RNFT1: variants seen among roughly 807,000 people sequenced by gnomAD.
The protein encoded by RNFT1 is E3 ubiquitin-protein ligase RNFT1.
In RNFT1, 35 loss-of-function variants were observed where a neutral mutation model predicts 53.2. The ratio of observed to expected loss-of-function variants is 0.66; its 90% confidence interval spans 0.50 to 0.87. The LOEUF (loss-of-function observed/expected upper bound fraction) is 0.87. RNFT1 is among the 40% of genes least tolerant of loss of function. The pLI is 0.00. For missense variants in RNFT1, 421 were observed against 515.0 expected (o/e 0.82, Z 1.77); for synonymous variants, 141 against 172.8 (o/e 0.82, Z 1.44).
At chr17:59,960,468 T>C (rs1293188864) in intron 3 of RNFT1, among the ~76,000 whole-genome samples, 3 of 124,204 alleles carry the variant, frequency 2.4e-5, no homozygotes, top group African/African-American at 9.4e-5. Flanking sequence ...AAAATTAAAT[T>C]AAATTAAAAA....
intron 3 of RNFT1, among the ~76,000 whole-genome samples, chr17:59,960,690 G>C (rs1237229711): frequency 1.3e-5 from 2 of 151,760 alleles, no homozygotes; most frequent in East Asian, 3.9e-4. Context: ...GCACGTGCCT[G>C]TAATCCCAGC....
chr17:59,961,450 C>T (rs1210563183), intron 3 of RNFT1, among the ~76,000 whole-genome samples: 2 of 152,188 alleles, frequency 1.3e-5, no homozygotes, highest in Non-Finnish European at 2.9e-5. Flanking sequence ...ATGCATGATA[C>T]TTTACACAGA....
intron 7 of RNFT1, among the ~76,000 whole-genome samples, chr17:59,956,167 G>C (rs758087851): frequency 5.9e-5 from 9 of 152,082 alleles, no homozygotes; most frequent in Non-Finnish European, 1.0e-4. Context: ...TTAAAAAAGA[G>C]GAACACAATT....
chr17:59,958,312 G>A lies in RNFT1; in HGVS notation c.825C>T (p.Phe275=). 8 of 1,594,030 alleles carry A rather than the reference G, an allele frequency of 5.0e-6. No homozygotes were observed. The highest frequency in any genetic ancestry group is 6.8e-6 in the Non-Finnish European group (8 of 1,175,656). The part of the protein sequence containing the change: ...LKCLILLVPS[F]IMPFKSKGYW... ...TTACCTTAGATTTAAAAGGCATGAT[G>A]AAAGAAGGCACCAATAAAATAAGGC... The change falls in exon 5 of 9, where the codon TTC becomes TTT. Residue 275 remains phenylalanine (F), a synonymous_variant. Coordinates refer to ENST00000305783, the MANE Select transcript of RNFT1 (RefSeq NM_016125.4).
At chr17:59,956,121 G>C (rs2045252676) in intron 7 of RNFT1, among the ~76,000 whole-genome samples, 1 of 152,116 alleles carries the variant, frequency 6.6e-6, no homozygotes, top group Admixed American at 6.5e-5. Flanking sequence ...GGTGAATAAG[G>C]AGTTAATAGG....
intron 5 of RNFT1, among the ~76,000 whole-genome samples, chr17:59,957,846 A>C (rs557214298): frequency 6.6e-6 from 1 of 152,282 alleles, no homozygotes; most frequent in Non-Finnish European, 1.5e-5. Flanking sequence ...GACAATCTCA[A>C]AACAAAACAA....
intron 5 of RNFT1, 70 bp from the exon 6 acceptor site, chr17:59,957,452 C>T: frequency 9.9e-7 from 1 of 1,010,264 alleles, no homozygotes; most frequent in Non-Finnish European, 1.5e-6. Context: ...CAATATTAGA[C>T]TGAGAACACT....
rs2045223246 is a variant in RNFT1 at position 59,952,243 on chromosome 17, A to C, written c.*734T>G. 6.6e-6 allele frequency: 1 copy of C among 152,122 alleles called. No individual in the cohort carries two copies. The highest frequency in any genetic ancestry group is 1.5e-5 in the Non-Finnish European group (1 of 68,026). The allele number at this position is 152,122 out of a possible 1,614,324, so 9.4% of individuals were successfully genotyped here. A position where few individuals can be genotyped will look rare whatever the true frequency, so the allele number is the denominator to read the frequency against. On this transcript the variant is annotated 3_prime_UTR_variant, in exon 9 of 9. Coordinates refer to ENST00000305783, the MANE Select transcript of RNFT1 (RefSeq NM_016125.4). Reference sequence around the variant, plus strand: ...AAATCATCAAGTAAGCCAGCTGTTTATAATCCACATGAATTATTTTAATAG... The same window carrying C: ...AAATCATCAAGTAAGCCAGCTGTTTCTAATCCACATGAATTATTTTAATAG...
Position 59,964,726 on chromosome 17 carries a change from C to G in RNFT1, c.-63G>C. 1.3e-6 allele frequency: 2 copies of G among 1,495,194 alleles called. No homozygotes were observed. The highest frequency in any genetic ancestry group is 9.0e-7 in the Non-Finnish European group (1 of 1,116,990). 92.6% of individuals were successfully genotyped at this position (1,495,194 alleles called of 1,614,324 possible). On this transcript the variant is annotated 5_prime_UTR_variant, in exon 1 of 9. Transcript: ENST00000305783. The stretch of plus-strand genomic sequence containing the variant: ...CAAACCCCGCAAGCTCTTCTCTCAG[C>G]CCGGCGGCAACGGCGGCGGCGCGCG...
rs1353972737 is a variant in RNFT1, at chr17:59,957,294, T to C, written c.935A>G (p.Tyr312Cys). ...TCTAGTTACGTTACCAAACTCCCCA[T>C]AGCTTATAAGGTAGCGAAACCAAAC... Reference protein sequence around the residue: ...IPVWFRYLISYGEFGNVTRWS... With the variant: ...IPVWFRYLISCGEFGNVTRWS... Residue 312 changes from tyrosine to cysteine, a missense_variant, in exon 6 of 9, where the codon TAT (tyrosine) becomes TGT (cysteine). By Grantham distance (194) the Tyr-to-Cys change is radical (BLOSUM62 -2). Coordinates refer to ENST00000305783, the MANE Select transcript of RNFT1 (RefSeq NM_016125.4). 1 of 1,613,848 alleles carries C rather than the reference T, an allele frequency of 6.2e-7. No individual in the cohort carries two copies. Among genetic ancestry groups the C allele is most frequent in the Non-Finnish European group, 8.5e-7 (1 of 1,179,972 alleles).
intron 7 of RNFT1, among the ~76,000 whole-genome samples, chr17:59,954,668 G>A (rs2045242966): frequency 6.6e-6 from 1 of 152,186 alleles, no homozygotes; most frequent in African/African-American, 2.4e-5. Context: ...TCTATTATTT[G>A]AAAGGTCTCC....
chr17:59,959,891 G>A (rs2045277338), intron 4 of RNFT1, 177 bp downstream of exon 4: 4 of 480,680 alleles, frequency 8.3e-6, no homozygotes, highest in Non-Finnish European at 1.3e-5. Flanking sequence ...GGCTGGGCGA[G>A]AGAGTGAGAC....
chr17:59,956,543 A>T lies in RNFT1; in HGVS notation c.1016T>A (p.Phe339Tyr). The T allele has an allele frequency of 6.2e-7, 1 of 1,612,812 alleles. No homozygotes were observed. The highest frequency in any genetic ancestry group is 8.5e-7 in the Non-Finnish European group (1 of 1,179,194). ...LLYLILKLLE[F>Y]FGHLRTFRQV... ...TCTGAAAGTTCTCAGATGCCCAAAAAATTCCAAAAGCTGAAAAGAGAAATA... is the reference window on the plus strand; with the variant it reads ...TCTGAAAGTTCTCAGATGCCCAAAATATTCCAAAAGCTGAAAAGAGAAATA... The change falls in exon 7 of 9, where the codon TTT becomes TAT. Residue 339 changes from phenylalanine (F) to tyrosine (Y), a missense_variant. Coordinates refer to ENST00000305783, the MANE Select transcript of RNFT1 (RefSeq NM_016125.4).
chr17:59,953,879 A>AACAT, intron 8 of RNFT1, 166 bp downstream of exon 8: 1 of 498,394 alleles, frequency 2.0e-6, no homozygotes, highest in South Asian at 3.3e-5. Flanking sequence ...AAATTATCAG[A>AACAT]ACATAAGGGA....
chr17:59,953,239 A>G (rs1204975773), intron 8 of RNFT1, 128 bp from the exon 9 acceptor site: 13 of 728,538 alleles, frequency 1.8e-5, no homozygotes, highest in Non-Finnish European at 2.3e-5. Flanking sequence ...TCTGTCACCC[A>G]GGCCGGAGTG....
At chr17:59,958,033 CTAAA>C (rs2045264957) in intron 5 of RNFT1, among the ~76,000 whole-genome samples, 1 of 152,154 alleles carries the variant, frequency 6.6e-6, no homozygotes, top group South Asian at 2.1e-4. Flanking sequence ...AAGTACACAT[CTAAA>C]TAGTTTCCCA....
At chr17:59,953,248 T>G (rs1249377192) in intron 8 of RNFT1, 137 bp from the exon 9 acceptor site, 3 of 672,458 alleles carry the variant, frequency 4.5e-6, no homozygotes, top group Admixed American at 3.2e-5. Context: ...CAGGCCGGAG[T>G]GCAATGGCAC....
intron 1 of RNFT1, among the ~76,000 whole-genome samples, chr17:59,963,817 G>C (rs1191231916): frequency 6.6e-6 from 1 of 152,112 alleles, no homozygotes; most frequent in East Asian, 1.9e-4. Flanking sequence ...CTACAAATTA[G>C]ATTTTCTGCT....
chr17:59,955,566 A>C, intron 7 of RNFT1, among the ~76,000 whole-genome samples: 1 of 152,154 alleles, frequency 6.6e-6, no homozygotes. Flanking sequence ...TCATCAGTTG[A>C]ACTGACTTGG....
Sources: gnomAD v4.1 joint callset for allele counts (sites outside exome capture counted in the v4.1 genomes callset) on GRCh38, gnomAD v4.1.1 for gene constraint, MANE v1.5 for transcripts, NCBI Gene and HGNC (gene_info 2026-07-23, HGNC 2026-07-21) for gene names.